SPATA31C2: variants seen among roughly 807,000 people sequenced by gnomAD.
SPATA31C2 encodes the protein SPATA31 subfamily C member 2.
SPATA31C2 carries 5 observed loss-of-function variants against 11.4 expected under a neutral mutation model. That is an observed-to-expected ratio of 0.44 (90% confidence interval 0.23 to 0.92). The LOEUF is 0.92. Among genes scored for constraint, SPATA31C2 ranks in the 40% least tolerant of loss-of-function variants. The pLI, the probability that SPATA31C2 is intolerant of heterozygous loss-of-function variation, is 0.24. For synonymous variants in SPATA31C2, 515 were observed against 538.7 expected, an observed-to-expected ratio of 0.96 and a Z score of 0.61; for missense variants, 1,353 against 1,368.6, an observed-to-expected ratio of 0.99 and a Z score of 0.18.
In SPATA31C2 at chr9:88,135,918, A is replaced by G. The variant is rs1418071805; in HGVS notation, c.190-2249T>C. Among the ~76,000 whole-genome samples the G allele has an allele frequency of 1.5e-4, 21 of 139,708 alleles. No individual in the cohort carries two copies. In the South Asian group the frequency reaches 4.3e-3, roughly 28 times the overall value. 91.7% of individuals were successfully genotyped at this position (139,708 alleles called of 152,430 possible). ...GTAATTTTATTTTAAGTTCCGGGGT[A>G]CATGTGCAGGACCTGCAGTTTTCCT... On this transcript the variant is annotated intron_variant, in intron 1 of 3. Coordinates refer to ENST00000324915, the MANE Select transcript of SPATA31C2 (RefSeq NM_001350978.3).
At chr9:88,137,717 C>A (rs1825699539) in intron 1 of SPATA31C2, among the ~76,000 whole-genome samples, 1 of 102,170 alleles carries the variant, frequency 9.8e-6, no homozygotes, top group Non-Finnish European at 1.8e-5. Flanking sequence ...CAGGAACACC[C>A]AGGCTCAGGC....
rs768952034 is a variant in SPATA31C2 at position 88,130,770 on chromosome 9, G to A, written c.2267C>T (p.Ser756Phe). Residue 756 changes from serine to phenylalanine, a missense_variant, in exon 4 of 4, where the codon TCC (serine) becomes TTC (phenylalanine). Ser to Phe is a radical substitution (Grantham distance 155). Transcript: ENST00000324915. ...CTGTCCAGCTGTAGGAGCCTTCAAG[G>A]ACCCATGATCATTCGAAGATGGGAT... ...RGIPSSNDHG[S>F]LKAPTAGQEG... 20 of 1,613,102 alleles carry A rather than the reference G, an allele frequency of 1.2e-5. 1 individual carries two copies. In the Middle Eastern group the frequency reaches 5.5e-4, roughly 45 times the overall value.
Position 88,131,787 on chromosome 9 carries a change from T to G in SPATA31C2, c.1250A>C (p.Gln417Pro). The G allele has an allele frequency of 6.2e-7, 1 of 1,611,754 alleles. No individual in the cohort carries two copies. The highest frequency in any genetic ancestry group is 8.5e-7 in the Non-Finnish European group (1 of 1,179,676). The change falls in exon 4 of 4, where the codon CAA becomes CCA. Residue 417 changes from glutamine (Q) to proline (P), a missense_variant. Coordinates refer to ENST00000324915, the MANE Select transcript of SPATA31C2 (RefSeq NM_001350978.3). ...EGGLALPSRV[Q>P]KSQDVFSVST... is the part of the protein sequence containing the mutation. ...GACACTAAAGACGTCCTGAGATTTT[T>G]GGACCCTAGAGGGTAAAGCCAACCC... is the stretch of plus-strand genomic sequence containing the variant.
In SPATA31C2 at chr9:88,131,045, C is replaced by T; in HGVS notation, c.1992G>A (p.Arg664=). The T allele has an allele frequency of 6.2e-7, 1 of 1,611,970 alleles. No homozygotes were observed. The highest frequency in any genetic ancestry group is 1.7e-5 in the Admixed American group (1 of 60,004). ...GAAAGCACTGAATGGGCTTGAGGAC[C>T]CTGAGGGGTAGACCCCACCTGTGTT... ...WAKHRWGLPL[R]VLKPIQCFQL... Residue 664 remains arginine (R), a synonymous_variant, in exon 4 of 4, where the codon AGG becomes AGA. Coordinates refer to ENST00000324915, the MANE Select transcript of SPATA31C2 (RefSeq NM_001350978.3).
chr9:88,130,007 T>C lies in SPATA31C2; in HGVS notation c.3030A>G (p.Gly1010=). The change falls in exon 4 of 4, where the codon GGA becomes GGG. Residue 1010 remains glycine (G), a synonymous_variant. Coordinates refer to ENST00000324915, the MANE Select transcript of SPATA31C2 (RefSeq NM_001350978.3). The part of the protein sequence containing the change: ...KKQPPSISHF[G]ENIKQFFQTI... The stretch of plus-strand genomic sequence containing the variant: ...TCTGAAAAAATTGCTTGATGTTTTC[T>C]CCAAAGTGGCTTATTGAAGGAGGCT... 14 of 1,608,988 alleles carry C rather than the reference T, an allele frequency of 8.7e-6. No individual in the cohort carries two copies. Among genetic ancestry groups the C allele is most frequent in the Non-Finnish European group, 1.1e-5 (13 of 1,176,752 alleles).
Position 88,130,832 on chromosome 9 carries a change from T to C in SPATA31C2, c.2205A>G (p.Ser735=), listed in dbSNP as rs747560482. The C allele has an allele frequency of 6.2e-7, 1 of 1,613,302 alleles. No individual in the cohort carries two copies. Among genetic ancestry groups the C allele is most frequent in the Admixed American group, 1.7e-5 (1 of 60,022 alleles). Residue 735 remains serine (S), a synonymous_variant, in exon 4 of 4, where the codon TCA becomes TCG. Coordinates refer to ENST00000324915, the MANE Select transcript of SPATA31C2 (RefSeq NM_001350978.3). The part of the protein sequence containing the change: ...VHMPERLQAS[S]PACKQFQRAP... ...CCCTCTGGAACTGCTTACATGCAGG[T>C]GAGGAGGCCTGAAGCCTCTCTGGCA...
At chr9:88,133,889 G>A (rs1052768015) in intron 1 of SPATA31C2, among the ~76,000 whole-genome samples, 3 of 152,174 alleles carry the variant, frequency 2.0e-5, no homozygotes, top group South Asian at 2.1e-4. Flanking sequence ...CGGTGCGGTG[G>A]CTCACGCCTA....
At position 88,131,204 on chromosome 9, in the gene SPATA31C2, G is replaced by A. The variant is rs768198005; in HGVS notation, c.1833C>T (p.Asn611=). The change falls in exon 4 of 4, where the codon AAC becomes AAT. Residue 611 remains asparagine, a synonymous_variant. Transcript: ENST00000324915. The part of the protein sequence containing the change: ...LAVNQAFPVS[N]THVKTSNLAA... ...CTAGATTGCTGGTTTTCACGTGGGT[G>A]TTGGAGACGGGAAAAGCCTGGTTGA... is the stretch of plus-strand genomic sequence containing the variant. 1 of 1,611,842 alleles carries A rather than the reference G, an allele frequency of 6.2e-7. No individual in the cohort carries two copies. The highest frequency in any genetic ancestry group is 8.5e-7 in the Non-Finnish European group (1 of 1,179,866).
intron 1 of SPATA31C2, among the ~76,000 whole-genome samples, chr9:88,136,105 T>C: frequency 1.5e-5 from 2 of 137,822 alleles, no homozygotes; most frequent in South Asian, 4.6e-4. Flanking sequence ...GGCTAATTTT[T>C]TGTATTTTTG....
Position 88,132,397 on chromosome 9 carries a change from G to T in SPATA31C2, c.640C>A (p.Pro214Thr), listed in dbSNP as rs759842353. 1.2e-6 allele frequency: 2 copies of T among 1,611,210 alleles called. No individual in the cohort carries two copies. The highest frequency in any genetic ancestry group is 1.1e-5 in the South Asian group (1 of 91,014). ...PEPPALFPHP[P>T]RTPDPLACSP... ...CAGGCCAGAGGATCAGGAGTGCGTG[G>T]TGGGTGAGGGAAAAGTGCAGGTGGC... Residue 214 changes from proline to threonine, a missense_variant, in exon 4 of 4, where the codon CCA (proline) becomes ACA (threonine). By Grantham distance (38) the Pro-to-Thr change is conservative. Transcript: ENST00000324915.
rs773284535 is a variant in SPATA31C2, at chr9:88,131,552, T to C, written c.1485A>G (p.Thr495=). Residue 495 remains threonine (T), a synonymous_variant, in exon 4 of 4, where the codon ACA becomes ACG. Transcript: ENST00000324915. ...TCTGTGCCTCCTTGCTGCTTTCACC[T>C]GTGGACGTGGAGGACTGCCAGGGCC... is the stretch of plus-strand genomic sequence containing the variant. ...KPRPWQSSTS[T]GESSKEAQTV... 5 of 1,611,764 alleles carry C rather than the reference T, an allele frequency of 3.1e-6. No homozygotes were observed. The South Asian group carries it at 5.5e-5, about 18-fold the overall frequency.
At chr9:88,136,010 T>G (rs2989486) in intron 1 of SPATA31C2, among the ~76,000 whole-genome samples, 89 of 127,406 alleles carry the variant, frequency 7.0e-4, no homozygotes, top group East Asian at 1.5e-3. Context: ...CTTGGCTCAC[T>G]GCAACCTGTG....
In SPATA31C2 at chr9:88,130,904, T is replaced by C; in HGVS notation, c.2133A>G (p.Pro711=). The change falls in exon 4 of 4, where the codon CCA becomes CCG. Residue 711 remains proline, a synonymous_variant. Transcript: ENST00000324915. The stretch of plus-strand genomic sequence containing the variant: ...GCACCTGCTTTCTCAGACTTGCCAT[T>C]GGTGGCTCTCCAAGGAACGTGGCCA... The part of the protein sequence containing the change: ...VEVATFLGEP[P]MASLRKQVLT... 1.9e-6 allele frequency: 3 copies of C among 1,613,810 alleles called. No individual in the cohort carries two copies. The highest frequency in any genetic ancestry group is 2.5e-6 in the Non-Finnish European group (3 of 1,179,874).
Position 88,130,495 on chromosome 9 carries a change from T to C in SPATA31C2, c.2542A>G (p.Lys848Glu). The C allele has an allele frequency of 1.2e-6, 2 of 1,613,490 alleles. No individual in the cohort carries two copies. The highest frequency in any genetic ancestry group is 1.7e-6 in the Non-Finnish European group (2 of 1,179,586). Residue 848 changes from lysine (K) to glutamate (E), a missense_variant, in exon 4 of 4, where the codon AAG becomes GAG. This residue lies in a region of SPATA31C2 where 1,075 missense variants were observed against 992.8 expected (regional missense o/e 1.08). Transcript: ENST00000324915. ...PRMSVSQDPR[K>E]LCLMEEAVSE... ...ACAGCCTCCTCCATGAGACACAGCT[T>C]TCTTGGGTCTTGGGAGACAGACATT...
In SPATA31C2 at chr9:88,131,468, C is replaced by G. The variant is rs1825593302; in HGVS notation, c.1569G>C (p.Glu523Asp). ...PCPHLGQILG[E>D]TPQNLSRGME... ...TGCCCCTGGATAGATTTTGTGGGGT[C>G]TCACCCAGAATTTGCCCCAGATGTG... is the stretch of plus-strand genomic sequence containing the variant. Residue 523 changes from glutamate (E) to aspartate (D), a missense_variant, in exon 4 of 4, where the codon GAG becomes GAC. Glu to Asp is a conservative substitution (Grantham distance 45, BLOSUM62 2). Coordinates refer to ENST00000324915, the MANE Select transcript of SPATA31C2 (RefSeq NM_001350978.3). 1.2e-6 allele frequency: 2 copies of G among 1,611,746 alleles called. No individual in the cohort carries two copies. Among genetic ancestry groups the G allele is most frequent in the Non-Finnish European group, 1.7e-6 (2 of 1,179,844 alleles).
chr9:88,136,439 T>A (rs1825683066), intron 1 of SPATA31C2, among the ~76,000 whole-genome samples: 1 of 144,282 alleles, frequency 6.9e-6, no homozygotes, highest in African/African-American at 2.6e-5. Context: ...ATTCTAGATA[T>A]GAGCTCCTTG....
At position 88,132,943 on chromosome 9, in the gene SPATA31C2, G is replaced by A. The variant is rs780104114; in HGVS notation, c.326+23C>T. ...ACGTCCCAGCCCTGGTAGGAAGGAC[G>A]CAGGGAAGGGGAAGTGCCTCACCTC... On this transcript the variant is annotated intron_variant, in intron 3 of 3. Coordinates refer to ENST00000324915, the MANE Select transcript of SPATA31C2 (RefSeq NM_001350978.3). 9.7e-6 allele frequency: 13 copies of A among 1,336,424 alleles called. 3 individuals are homozygous for A. The African/African-American group carries it at 1.0e-4, about 11-fold the overall frequency. The allele number at this position is 1,336,424 out of a possible 1,614,324, so 82.8% of individuals were successfully genotyped here.
intron 1 of SPATA31C2, among the ~76,000 whole-genome samples, chr9:88,137,527 A>G (rs1453118192): frequency 2.1e-5 from 3 of 140,964 alleles, no homozygotes; most frequent in Non-Finnish European, 1.5e-5. Context: ...GGACGCTAAG[A>G]CAGGAGAATA....
intron 1 of SPATA31C2, among the ~76,000 whole-genome samples, chr9:88,136,459 G>C (rs1430562548): frequency 6.9e-6 from 1 of 145,162 alleles, no homozygotes; most frequent in Non-Finnish European, 1.5e-5. Flanking sequence ...GTCAGATATG[G>C]TTTATCAGGT....
Sources: allele counts gnomAD v4.1 joint callset (sites outside exome capture counted in the v4.1 genomes callset), GRCh38; gene constraint gnomAD v4.1.1; regional missense constraint gnomAD v4.1.1; transcripts MANE v1.5; gene names NCBI Gene and HGNC (gene_info 2026-07-23, HGNC 2026-07-21).